The following ZNF740 variants were observed in gnomAD, a reference collection of about 807,000 sequenced individuals.
ZNF740 encodes oriLyt TD-element-binding protein 7.
In ZNF740, 14 loss-of-function variants were observed where a neutral mutation model predicts 24.8. The observed-to-expected ratio is 0.56, with a 90% CI of 0.37 to 0.88. The LOEUF (loss-of-function observed/expected upper bound fraction) is 0.88. ZNF740 is among the 40% of genes least tolerant of loss of function. The pLI is 0.00. For synonymous variants in ZNF740, 69 were observed against 84.0 expected, an observed-to-expected ratio of 0.82 and a Z score of 0.98; for missense variants, 201 against 247.9, an observed-to-expected ratio of 0.81 and a Z score of 1.27.
Position 53,192,953 on chromosome 12 carries a change from A to G in ZNF740, c.*5363A>G, listed in dbSNP as rs375665571. 194 of 1,582,436 alleles carry G rather than the reference A, an allele frequency of 1.2e-4. No individual in the cohort carries two copies. The highest frequency in any genetic ancestry group is 4.7e-4 in the African/African-American group (35 of 74,388). On this transcript the variant is annotated 3_prime_UTR_variant, in exon 7 of 7. Transcript: ENST00000416904. ...AGAGGGTGACAACCATACTCCACAC[A>G]CACAGTTGGCCATCATGTGGCACGA...
At chr12:53,181,132 C>T (rs1287178264) in intron 1 of ZNF740, 3 of 974,996 alleles carry the variant, frequency 3.1e-6, no homozygotes, top group Non-Finnish European at 3.7e-6. Flanking sequence ...GTTGGTGCAG[C>T]GGGTGCAGAG....
chr12:53,185,280 G>A lies in ZNF740; in HGVS notation c.160-107G>A, dbSNP rs556410492. On this transcript the variant is annotated intron_variant, in intron 3 of 6. Transcript: ENST00000416904. ...AGTTGTATACTTCCTCTAAGCTTTC[G>A]GGGCAGGTGGTTTACTCTCATTTAT... 1.8e-5 allele frequency: 23 copies of A among 1,281,140 alleles called. No homozygotes were observed. The East Asian group carries it at 2.0e-4, about 11-fold the overall frequency. The allele number at this position is 1,281,140 out of a possible 1,614,324, so 79.4% of individuals were successfully genotyped here. A position where few individuals can be genotyped will look rare whatever the true frequency, so the allele number is the denominator to read the frequency against.
rs1941674306 is a variant in ZNF740, at chr12:53,182,242, T to C, written c.9+250T>C. On this transcript the variant is annotated intron_variant, in intron 2 of 6. Coordinates refer to ENST00000416904, the MANE Select transcript of ZNF740 (RefSeq NM_001004304.4). The stretch of plus-strand genomic sequence containing the variant: ...GATGGGACATTTGCAAAGCAACGTG[T>C]ACTCAGTTTACATTTGGTACATTAA... 11 of 542,032 alleles carry C rather than the reference T, an allele frequency of 2.0e-5. No individual in the cohort carries two copies. The South Asian group carries it at 2.6e-4, about 13-fold the overall frequency. 33.6% of individuals were successfully genotyped at this position (542,032 alleles called of 1,614,324 possible).
In ZNF740 at chr12:53,180,813, G is replaced by A. The variant is rs1479845324; in HGVS notation, c.-332G>A. The A allele has an allele frequency of 1.6e-6, 2 of 1,271,912 alleles. No homozygotes were observed. The highest frequency in any genetic ancestry group is 1.6e-5 in the African/African-American group (1 of 63,286). The allele number at this position is 1,271,912 out of a possible 1,614,324, so 78.8% of individuals were successfully genotyped here. On this transcript the variant is annotated 5_prime_UTR_variant, in exon 1 of 7. Transcript: ENST00000416904. The stretch of plus-strand genomic sequence containing the variant: ...GGAGGAGGCGCCGCGCGGCCAGGGA[G>A]CCAGCGGGAGGCCGCGCCTGGCAGG...
Position 53,191,998 on chromosome 12 carries a change from G to T in ZNF740, c.*4408G>T. On this transcript the variant is annotated 3_prime_UTR_variant, in exon 7 of 7. Coordinates refer to ENST00000416904, the MANE Select transcript of ZNF740 (RefSeq NM_001004304.4). ...GCCCCCTACGCAGCCCAGCACAATGGCCTGCGTGTGGTCTGCTCCCTCTGT... is the reference window on the plus strand; with the variant it reads ...GCCCCCTACGCAGCCCAGCACAATGTCCTGCGTGTGGTCTGCTCCCTCTGT... 1 of 1,612,942 alleles carries T rather than the reference G, an allele frequency of 6.2e-7. No homozygotes were observed. Among genetic ancestry groups the T allele is most frequent in the Non-Finnish European group, 8.5e-7 (1 of 1,179,886 alleles).
chr12:53,181,872 C>G lies in ZNF740; in HGVS notation c.-112C>G. 1 of 1,381,624 alleles carries G rather than the reference C, an allele frequency of 7.2e-7. No individual in the cohort carries two copies. The highest frequency in any genetic ancestry group is 2.5e-5 in the East Asian group (1 of 40,322). 85.6% of individuals were successfully genotyped at this position (1,381,624 alleles called of 1,614,324 possible). A position where few individuals can be genotyped will look rare whatever the true frequency, so the allele number is the denominator to read the frequency against. On this transcript the variant is annotated 5_prime_UTR_variant, in exon 2 of 7. Transcript: ENST00000416904. ...ATATGGCAACAGGACTGATGGGACA[C>G]GAAGGAGTCGCTACCGTGATTTGGT... is the stretch of plus-strand genomic sequence containing the variant.
chr12:53,183,261 G>C (rs1941732469), intron 2 of ZNF740, among the ~76,000 whole-genome samples: 1 of 152,198 alleles, frequency 6.6e-6, no homozygotes, highest in South Asian at 2.1e-4. Context: ...CATCAACCCT[G>C]TAAGGATAAG....
Position 53,193,064 on chromosome 12 carries a change from G to T in ZNF740, c.*5474G>T. 1 of 1,431,436 alleles carries T rather than the reference G, an allele frequency of 7.0e-7. No individual in the cohort carries two copies. The highest frequency in any genetic ancestry group is 9.7e-7 in the Non-Finnish European group (1 of 1,035,670). 88.7% of individuals were successfully genotyped at this position (1,431,436 alleles called of 1,614,324 possible). A position where few individuals can be genotyped will look rare whatever the true frequency, so the allele number is the denominator to read the frequency against. On this transcript the variant is annotated 3_prime_UTR_variant, in exon 7 of 7. Coordinates refer to ENST00000416904, the MANE Select transcript of ZNF740 (RefSeq NM_001004304.4). ...GAATCTTTTGATATTTGCCTTCCAT[G>T]CCAGGAGATTCCCAGAGCCTAAGTG...
rs994827118 is a variant in ZNF740, at chr12:53,190,942, A to T, written c.*3352A>T. 1.3e-5 allele frequency: 2 copies of T among 153,622 alleles called. No individual in the cohort carries two copies. The highest frequency in any genetic ancestry group is 2.9e-5 in the Non-Finnish European group (2 of 69,024). The allele number at this position is 153,622 out of a possible 1,614,324, so 9.5% of individuals were successfully genotyped here. On this transcript the variant is annotated 3_prime_UTR_variant, in exon 7 of 7. Coordinates refer to ENST00000416904, the MANE Select transcript of ZNF740 (RefSeq NM_001004304.4). ...TTTTTTCTCCCTACATAATCACCCC[A>T]CAACTTCCAGCACCCTATAAGCCAT...
Position 53,180,787 on chromosome 12 carries a change from T to C in ZNF740, c.-358T>C. On this transcript the variant is annotated 5_prime_UTR_variant, in exon 1 of 7. Transcript: ENST00000416904. Reference sequence around the variant, plus strand: ...GGGGTTGGCAGGGTGTGCTGGGGCCTGGAGGAGGCGCCGCGCGGCCAGGGA... The same window carrying C: ...GGGGTTGGCAGGGTGTGCTGGGGCCCGGAGGAGGCGCCGCGCGGCCAGGGA... 2 of 1,272,458 alleles carry C rather than the reference T, an allele frequency of 1.6e-6. No homozygotes were observed. Among genetic ancestry groups the C allele is most frequent in the Non-Finnish European group, 2.0e-6 (2 of 982,304 alleles). The allele number at this position is 1,272,458 out of a possible 1,614,324, so 78.8% of individuals were successfully genotyped here.
At chr12:53,181,568 C>A (rs1941641206) in intron 1 of ZNF740, 109 bp from the exon 2 acceptor site, 1 of 926,736 alleles carries the variant, frequency 1.1e-6, no homozygotes, top group East Asian at 1.1e-4. Context: ...CTCATGTCCT[C>A]GTTCTGAGCT....
At chr12:53,183,271 G>C (rs768224856) in intron 2 of ZNF740, among the ~76,000 whole-genome samples, 9 of 152,196 alleles carry the variant, frequency 5.9e-5, no homozygotes, top group Non-Finnish European at 1.0e-4. Context: ...GTAAGGATAA[G>C]CATTATGACA....
intron 1 of ZNF740, 174 bp downstream of exon 1, chr12:53,181,011 C>G: frequency 1.2e-6 from 1 of 863,130 alleles, no homozygotes; most frequent in Non-Finnish European, 1.5e-6. Flanking sequence ...GCACACCGCC[C>G]CCTGCCCGCG....
Position 53,193,911 on chromosome 12 carries a change from G to A in ZNF740, c.*6321G>A. On this transcript the variant is annotated 3_prime_UTR_variant, in exon 7 of 7. Coordinates refer to ENST00000416904, the MANE Select transcript of ZNF740 (RefSeq NM_001004304.4). ...AAACCCAGAAAGTCACCTGAGAAGA[G>A]GCAGGAATCAGGCCATGGTTATACA... 1 of 1,609,036 alleles carries A rather than the reference G, an allele frequency of 6.2e-7. No homozygotes were observed.
At chr12:53,182,575 A>G (rs552816321) in intron 2 of ZNF740, among the ~76,000 whole-genome samples, 8 of 152,234 alleles carry the variant, frequency 5.3e-5, no homozygotes, top group African/African-American at 1.7e-4. Flanking sequence ...TTCTGCTTGG[A>G]TAGAAAAAGA....
At position 53,188,203 on chromosome 12, in the gene ZNF740, T is replaced by C. The variant is rs1438414514; in HGVS notation, c.*613T>C. On this transcript the variant is annotated 3_prime_UTR_variant, in exon 7 of 7. Coordinates refer to ENST00000416904, the MANE Select transcript of ZNF740 (RefSeq NM_001004304.4). ...CTTACTTTGGCTTCCTTATACACTG[T>C]AGGGACAAAAGGAAAAACGGGGTGG... 1.3e-5 allele frequency: 2 copies of C among 153,206 alleles called. No individual in the cohort carries two copies. Among genetic ancestry groups the C allele is most frequent in the African/African-American group, 4.8e-5 (2 of 41,388 alleles). The allele number at this position is 153,206 out of a possible 1,614,324, so 9.5% of individuals were successfully genotyped here.
rs754768891 is a variant in ZNF740 at position 53,184,114 on chromosome 12, G to GGTGTGTGTGTGTGTGT, written c.10-755_10-740dup. Among the ~76,000 whole-genome samples, 609 of 123,524 alleles carry GGTGTGTGTGTGTGTGT rather than the reference G, an allele frequency of 4.9e-3. 2 individuals are homozygous for GGTGTGTGTGTGTGTGT. Among genetic ancestry groups the GGTGTGTGTGTGTGTGT allele is most frequent in the East Asian group, 0.018 (68 of 3,882 alleles). 81.0% of individuals were successfully genotyped at this position (123,524 alleles called of 152,430 possible). A position where few individuals can be genotyped will look rare whatever the true frequency, so the allele number is the denominator to read the frequency against. ...TCAAAAGTGGGCTCTGAAGCTAAGG[G>GGTGTGTGTGTGTGTGT]GTGTGTGTGTGTGTGTGTGTGTGTG... On this transcript the variant is annotated intron_variant, in intron 2 of 6. Transcript: ENST00000416904.
At position 53,193,851 on chromosome 12, in the gene ZNF740, A is replaced by G. The variant is rs1942061217; in HGVS notation, c.*6261A>G. 5 of 1,613,840 alleles carry G rather than the reference A, an allele frequency of 3.1e-6. No individual in the cohort carries two copies. The African/African-American group carries it at 5.3e-5, about 17-fold the overall frequency. ...AGCCAAGGGCCCGGAGCCTCAGGAGATGGGGCTCTGGGAGGCAGTGGGTGG... is the reference window on the plus strand; with the variant it reads ...AGCCAAGGGCCCGGAGCCTCAGGAGGTGGGGCTCTGGGAGGCAGTGGGTGG... On this transcript the variant is annotated 3_prime_UTR_variant, in exon 7 of 7. Transcript: ENST00000416904.
Position 53,193,628 on chromosome 12 carries a change from T to C in ZNF740, c.*6038T>C. ...GTCGAGGAGACTCCTGTGGGGGGGA[T>C]GGAAAGCAGCGGAGGAATACGGGCC... On this transcript the variant is annotated 3_prime_UTR_variant, in exon 7 of 7. Transcript: ENST00000416904. 1 of 1,252,860 alleles carries C rather than the reference T, an allele frequency of 8.0e-7. No homozygotes were observed. The highest frequency in any genetic ancestry group is 1.1e-6 in the Non-Finnish European group (1 of 903,996). The allele number at this position is 1,252,860 out of a possible 1,614,324, so 77.6% of individuals were successfully genotyped here.
Sources: allele counts gnomAD v4.1 joint callset (sites outside exome capture counted in the v4.1 genomes callset), GRCh38; gene constraint gnomAD v4.1.1; transcripts MANE v1.5; gene names NCBI Gene and HGNC (gene_info 2026-07-23, HGNC 2026-07-21).